LYST: variants seen among roughly 807,000 people sequenced by gnomAD.
LYST encodes the protein lysosomal-trafficking regulator.
LYST carries 192 observed loss-of-function variants against 413.6 expected under a neutral mutation model. That is an observed-to-expected ratio of 0.46 (90% CI 0.41 to 0.52). LYST has a LOEUF of 0.52. Among genes scored for constraint, LYST ranks in the 20% least tolerant of loss-of-function variants. LYST has a pLI of 0.00. For missense variants in LYST, 3,815 were observed against 4,499.9 expected, an observed-to-expected ratio of 0.85 and a Z score of 4.35; for synonymous variants, 1,525 against 1,567.3, an observed-to-expected ratio of 0.97 and a Z score of 0.64.
At chr1:235,825,275 C>T (rs1675204274) in intron 3 of LYST, among the ~76,000 whole-genome samples, 2 of 152,164 alleles carry the variant, frequency 1.3e-5, no homozygotes, top group Admixed American at 1.3e-4. Flanking sequence ...CCTCATGCTT[C>T]TCCTTAGGTC....
chr1:235,665,664 G>A lies in LYST; in HGVS notation c.11039-1043C>T, dbSNP rs1571949610. ...ATGTGACTTTTGAAGAAAAAAAAAG[G>A]TGTAGTAAAAATTACCTGAGTTAAA... On this transcript the variant is annotated intron_variant, in intron 50 of 52. Transcript: ENST00000389793. Among the ~76,000 whole-genome samples the A allele has an allele frequency of 2.0e-5, 3 of 146,906 alleles. No homozygotes were observed. The South Asian group carries it at 6.4e-4, about 32-fold the overall frequency.
At chr1:235,853,131 T>C (rs1678741675) in intron 1 of LYST, 2 of 170,490 alleles carry the variant, frequency 1.2e-5, no homozygotes. Flanking sequence ...CTTCTCAAGA[T>C]GTTTTACAGC....
rs186132900 is a variant in LYST, at chr1:235,714,753, C to T, written c.9784+448G>A. Among the ~76,000 whole-genome samples, 138 of 152,222 alleles carry T rather than the reference C, an allele frequency of 9.1e-4. 1 individual carries two copies. In the Middle Eastern group the frequency reaches 0.014, roughly 15 times the overall value. Reference sequence around the variant, plus strand: ...TACAAAGCTACCACAGTGAAGTTGCCGGTGTGCGTCTTTTATTAACTAGTT... The same window carrying T: ...TACAAAGCTACCACAGTGAAGTTGCTGGTGTGCGTCTTTTATTAACTAGTT... On this transcript the variant is annotated intron_variant, in intron 42 of 52. Coordinates refer to ENST00000389793, the MANE Select transcript of LYST (RefSeq NM_000081.4).
At chr1:235,816,758 T>C (rs1572357716) in intron 3 of LYST, among the ~76,000 whole-genome samples, 1 of 152,112 alleles carries the variant, frequency 6.6e-6, no homozygotes. Flanking sequence ...GAAATAAAGC[T>C]GCACACCTAT....
intron 50 of LYST, among the ~76,000 whole-genome samples, chr1:235,676,573 C>T (rs1331081366): frequency 6.6e-6 from 1 of 152,210 alleles, no homozygotes; most frequent in African/African-American, 2.4e-5. Flanking sequence ...TTTCTGCTTT[C>T]TTCAGCTTTT....
rs36014994 is a variant in LYST at position 235,663,082 on chromosome 1, T to TAA, written c.11268-6_11268-5dup. 113 of 1,361,362 alleles carry TAA rather than the reference T, an allele frequency of 8.3e-5. No individual in the cohort carries two copies. The highest frequency in any genetic ancestry group is 1.0e-4 in the Non-Finnish European group (98 of 976,256). The allele number at this position is 1,361,362 out of a possible 1,614,324, so 84.3% of individuals were successfully genotyped here. On this transcript the variant is annotated splice_region_variant and splice_polypyrimidine_tract_variant and intron_variant, in intron 52 of 52. Transcript: ENST00000389793. ...GCCATCACAAGAAAATGTAAGGCTG[T>TAA]AAAAAAAAAAAAATTCCCATTTGTA...
chr1:235,827,656 T>C, intron 3 of LYST: 1 of 984,942 alleles, frequency 1.0e-6, no homozygotes, highest in Non-Finnish European at 1.2e-6. Context: ...GCTATTTATT[T>C]TCACTCCAAA....
chr1:235,828,052 G>C, intron 3 of LYST: 1 of 588,212 alleles, frequency 1.7e-6, no homozygotes, highest in Non-Finnish European at 2.1e-6. Flanking sequence ...AGAGGAATGT[G>C]AACTAAAACT....
chr1:235,799,487 C>T (rs10926707), intron 10 of LYST, among the ~76,000 whole-genome samples: 4,702 of 152,200 alleles, frequency 0.031, 227 homozygotes, highest in African/African-American at 0.11. Flanking sequence ...TGATATGATG[C>T]ACTCAAAAGG....
At chr1:235,683,374 T>C (rs1659976765) in intron 48 of LYST, among the ~76,000 whole-genome samples, 1 of 152,250 alleles carries the variant, frequency 6.6e-6, no homozygotes, top group Non-Finnish European at 1.5e-5. Flanking sequence ...TATACGAAGA[T>C]GATGTGGACA....
intron 1 of LYST, among the ~76,000 whole-genome samples, chr1:235,838,428 T>C (rs1433579005): frequency 1.3e-5 from 2 of 152,246 alleles, no homozygotes; most frequent in Non-Finnish European, 2.9e-5. Flanking sequence ...TCTGTAAATG[T>C]AGACTCTATA....
Position 235,787,367 on chromosome 1 carries a change from G to A in LYST, c.4695C>T (p.Cys1565=). Residue 1565 remains cysteine, a synonymous_variant, in exon 14 of 53, where the codon TGC becomes TGT. Transcript: ENST00000389793. ...PHNATLIFRV[C]MDSNDDMKAV... ...CTTTCATGTCATCATTTGAATCCAT[G>A]CACACACTACAGAAAAAGAGAAAAG... The A allele has an allele frequency of 6.2e-7, 1 of 1,613,348 alleles. No individual in the cohort carries two copies. The highest frequency in any genetic ancestry group is 1.1e-5 in the South Asian group (1 of 91,078).
At position 235,712,133 on chromosome 1, in the gene LYST, A is replaced by C; in HGVS notation, c.9849T>G (p.Ser3283=). The change falls in exon 43 of 53, where the codon TCT becomes TCG. Residue 3283 remains serine, a synonymous_variant. Coordinates refer to ENST00000389793, the MANE Select transcript of LYST (RefSeq NM_000081.4). ...HSTNTTWRLS[S]FESMTDVKEL... ...CTTTCACATCAGTCATAGATTCAAA[A>C]GATGAGAGTCGCCAAGTTGTATTTG... 1 of 1,577,286 alleles carries C rather than the reference A, an allele frequency of 6.3e-7. No homozygotes were observed. The highest frequency in any genetic ancestry group is 8.6e-7 in the Non-Finnish European group (1 of 1,156,976).
intron 39 of LYST, among the ~76,000 whole-genome samples, chr1:235,721,108 C>T (rs1416388601): frequency 6.6e-6 from 1 of 151,994 alleles, no homozygotes; most frequent in Non-Finnish European, 1.5e-5. Context: ...CACCACTATG[C>T]TTTACTGCTG....
Position 235,810,372 on chromosome 1 carries a change from A to G in LYST, c.446T>C (p.Ile149Thr), listed in dbSNP as rs774876336. Reference sequence around the variant, plus strand: ...ATCTCTTACAGAATAGCGATGGGTAATTTTACGCTGTCGTCTGCTTTTTCG... The same window carrying G: ...ATCTCTTACAGAATAGCGATGGGTAGTTTTACGCTGTCGTCTGCTTTTTCG... ...VFRKSRRQRK[I>T]THRYSVRDAR... The change falls in exon 5 of 53, where the codon ATT (isoleucine) becomes ACT (threonine). Residue 149 changes from isoleucine to threonine, a missense_variant. By Grantham distance (89) the Ile-to-Thr change is moderately conservative (BLOSUM62 -1). Coordinates refer to ENST00000389793, the MANE Select transcript of LYST (RefSeq NM_000081.4). 25 of 1,613,596 alleles carry G rather than the reference A, an allele frequency of 1.5e-5. No individual in the cohort carries two copies. The highest frequency in any genetic ancestry group is 4.2e-6 in the Non-Finnish European group (5 of 1,179,844).
intron 31 of LYST, chr1:235,738,596 T>C (rs1458878417): frequency 6.2e-7 from 1 of 1,609,396 alleles, no homozygotes; most frequent in Admixed American, 1.7e-5. Flanking sequence ...CTAGTGTGCC[T>C]GTATGGAGTA....
intron 12 of LYST, 73 bp downstream of exon 12, chr1:235,791,626 T>G (rs747253254): frequency 7.6e-7 from 1 of 1,318,458 alleles, no homozygotes; most frequent in East Asian, 2.3e-5. Context: ...CACTACCACA[T>G]TTTTACGGCT....
At position 235,662,349 on chromosome 1, in the gene LYST, T is replaced by G. The variant is rs1356442947; in HGVS notation, c.*591A>C. On this transcript the variant is annotated 3_prime_UTR_variant, in exon 53 of 53. Coordinates refer to ENST00000389793, the MANE Select transcript of LYST (RefSeq NM_000081.4). Reference sequence around the variant, plus strand: ...AAAGCAACTGGCAAAAACTGCCTAATTTTGAGATTCATTCATAGTTTATTT... The same window carrying G: ...AAAGCAACTGGCAAAAACTGCCTAAGTTTGAGATTCATTCATAGTTTATTT... 1 of 152,728 alleles carries G rather than the reference T, an allele frequency of 6.5e-6. No homozygotes were observed. Among genetic ancestry groups the G allele is most frequent in the Non-Finnish European group, 1.5e-5 (1 of 68,434 alleles). 9.5% of individuals were successfully genotyped at this position (152,728 alleles called of 1,614,324 possible).
chr1:235,794,776 G>A (rs548717408), intron 10 of LYST, among the ~76,000 whole-genome samples: 30 of 152,232 alleles, frequency 2.0e-4, no homozygotes, highest in South Asian at 1.5e-3. Context: ...ACTTTATCCT[G>A]TACATAACAT....
Sources: gnomAD v4.1 joint callset for allele counts (sites outside exome capture counted in the v4.1 genomes callset) on GRCh38, gnomAD v4.1.1 for gene constraint, MANE v1.5 for transcripts, NCBI Gene and HGNC (gene_info 2026-07-23, HGNC 2026-07-21) for gene names.